CRTC1: variants seen among roughly 807,000 people sequenced by gnomAD.
The protein encoded by CRTC1 is CREB-regulated transcription coactivator 1.
A neutral mutation model predicts 66.1 loss-of-function variants in CRTC1; 18 were observed. That is an observed-to-expected ratio of 0.27 (90% CI 0.19 to 0.40). The LOEUF (loss-of-function observed/expected upper bound fraction) is 0.40. Ranked by LOEUF, CRTC1 falls within the 10% of genes least tolerant of loss-of-function variation. The pLI is 1.00. For missense variants in CRTC1, 669 were observed against 887.9 expected (o/e 0.75, Z 3.13); for synonymous variants, 416 against 398.8 (o/e 1.04, Z -0.51).
chr19:18,752,419 A>G (rs144914188), intron 5 of CRTC1, among the ~76,000 whole-genome samples: 503 of 152,218 alleles, frequency 3.3e-3, no homozygotes, highest in African/African-American at 0.011. Flanking sequence ...CTCAGGCTCA[A>G]GCGAGCCCTC....
chr19:18,739,904 C>T (rs1381571595), intron 1 of CRTC1, among the ~76,000 whole-genome samples: 1 of 152,142 alleles, frequency 6.6e-6, no homozygotes. Flanking sequence ...AAGGACTCCC[C>T]AGAAGCCGTT....
At chr19:18,694,792 A>AACC (rs1343830519) in intron 1 of CRTC1, among the ~76,000 whole-genome samples, 1 of 152,102 alleles carries the variant, frequency 6.6e-6, no homozygotes, top group African/African-American at 2.4e-5. Flanking sequence ...CACAGTTTGA[A>AACC]ACCCACTGAC....
At chr19:18,767,787 C>A (rs1199333778) in intron 9 of CRTC1, among the ~76,000 whole-genome samples, 1 of 152,174 alleles carries the variant, frequency 6.6e-6, no homozygotes, top group Non-Finnish European at 1.5e-5. Context: ...CACAAATGAC[C>A]CACTGGTCCT....
intron 1 of CRTC1, among the ~76,000 whole-genome samples, chr19:18,695,438 G>A (rs1038394029): frequency 1.3e-5 from 2 of 152,218 alleles, no homozygotes; most frequent in Non-Finnish European, 2.9e-5. Flanking sequence ...TCCGTGCAGA[G>A]TAGGGGGCTC....
intron 9 of CRTC1, among the ~76,000 whole-genome samples, chr19:18,766,452 T>A (rs918058221): frequency 1.3e-5 from 2 of 151,520 alleles, no homozygotes; most frequent in Non-Finnish European, 1.5e-5. Context: ...ATCCCTTTTT[T>A]AAAAAAATTT....
At chr19:18,763,105 T>G (rs573346577) in intron 8 of CRTC1, among the ~76,000 whole-genome samples, 2 of 152,254 alleles carry the variant, frequency 1.3e-5, no homozygotes, top group East Asian at 3.9e-4. Flanking sequence ...TTTAATTTTT[T>G]TTTTCTTTTT....
chr19:18,772,502 C>G (rs1157071851), intron 11 of CRTC1, among the ~76,000 whole-genome samples: 1 of 152,190 alleles, frequency 6.6e-6, no homozygotes, highest in East Asian at 1.9e-4. Flanking sequence ...CCATCCCTGT[C>G]CCCTGTAGAG....
rs1421718837 is a variant in CRTC1, at chr19:18,728,824, T to TTTTTTTTG, written c.127-14080_127-14079insTGTTTTTT. ...AGCCACCTCACCTGGCCTTTTTTTTTTTTTTTGAGACAGAGTCTTGCTCTG... is the reference window on the plus strand; with the variant it reads ...AGCCACCTCACCTGGCCTTTTTTTTTTTTTTTTGTTTTTTGAGACAGAGTCTTGCTCTG... On this transcript the variant is annotated intron_variant, in intron 1 of 13. Coordinates refer to ENST00000321949, the MANE Select transcript of CRTC1 (RefSeq NM_015321.3). Among the ~76,000 whole-genome samples, 8 of 136,774 alleles carry TTTTTTTTG rather than the reference T, an allele frequency of 5.8e-5. No homozygotes were observed. In the Admixed American group the frequency reaches 6.0e-4, roughly 10 times the overall value. 89.7% of individuals were successfully genotyped at this position (136,774 alleles called of 152,430 possible).
chr19:18,771,426 C>G lies in CRTC1; in HGVS notation c.1321-16C>G. 2 of 1,606,614 alleles carry G rather than the reference C, an allele frequency of 1.2e-6. No individual in the cohort carries two copies. Among genetic ancestry groups the G allele is most frequent in the Non-Finnish European group, 1.7e-6 (2 of 1,176,370 alleles). Reference sequence around the variant, plus strand: ...GGCAGCTGGGCTGCGGCGTGCTGATCTGTCTGTCATCGCAGGCGCCGGCTC... The same window carrying G: ...GGCAGCTGGGCTGCGGCGTGCTGATGTGTCTGTCATCGCAGGCGCCGGCTC... On this transcript the variant is annotated splice_polypyrimidine_tract_variant and intron_variant, in intron 10 of 13. Coordinates refer to ENST00000321949, the MANE Select transcript of CRTC1 (RefSeq NM_015321.3). This position sits in a 1 kb window ranked among gnomAD's most constrained non-coding sequence, Gnocchi z 4.6.
chr19:18,703,078 G>A (rs1415576425), intron 1 of CRTC1, among the ~76,000 whole-genome samples: 1 of 151,648 alleles, frequency 6.6e-6, no homozygotes, highest in Non-Finnish European at 1.5e-5. Context: ...CACCTCCTGG[G>A]TTCACGCCAT....
intron 6 of CRTC1, among the ~76,000 whole-genome samples, chr19:18,756,885 C>A (rs765247225): frequency 6.6e-6 from 1 of 152,068 alleles, no homozygotes; most frequent in Admixed American, 6.6e-5. Flanking sequence ...ACGTGATCGC[C>A]GGTGTGCTTT....
At chr19:18,753,451 C>G in intron 5 of CRTC1, 49 bp from the exon 6 acceptor site, 1 of 1,425,974 alleles carries the variant, frequency 7.0e-7, no homozygotes, top group Non-Finnish European at 9.8e-7. Flanking sequence ...CATGCGGCTG[C>G]AAAGAAATTT....
intron 1 of CRTC1, among the ~76,000 whole-genome samples, chr19:18,714,763 A>G (rs1313613193): frequency 6.6e-6 from 1 of 152,080 alleles, no homozygotes; most frequent in African/African-American, 2.4e-5. Flanking sequence ...CTCACCCCCA[A>G]ATGTTGATGA....
Position 18,777,839 on chromosome 19 carries a change from C to A in CRTC1, c.*457C>A. ...CTTCCTTGGTTCCCGGTCCCCCAGC[C>A]CATCCGCCATCCCCAGCCCGTGGTC... On this transcript the variant is annotated 3_prime_UTR_variant, in exon 14 of 14. Coordinates refer to ENST00000321949, the MANE Select transcript of CRTC1 (RefSeq NM_015321.3). This position sits in a 1 kb window ranked among gnomAD's most constrained non-coding sequence, Gnocchi z 5.5. 3.4e-6 allele frequency: 1 copy of A among 293,916 alleles called. No individual in the cohort carries two copies. Among genetic ancestry groups the A allele is most frequent in the Non-Finnish European group, 6.4e-6 (1 of 156,744 alleles). The allele number at this position is 293,916 out of a possible 1,614,324, so 18.2% of individuals were successfully genotyped here.
At chr19:18,765,053 C>T (rs1373907809) in intron 8 of CRTC1, among the ~76,000 whole-genome samples, 2 of 152,224 alleles carry the variant, frequency 1.3e-5, no homozygotes, top group African/African-American at 2.4e-5. Flanking sequence ...TCAGACAGCC[C>T]TTCCTGGAAT....
intron 1 of CRTC1, among the ~76,000 whole-genome samples, chr19:18,692,061 C>T (rs2052854452): frequency 2.6e-5 from 4 of 152,238 alleles, no homozygotes; most frequent in Admixed American, 2.0e-4. Context: ...ACACTGAGCT[C>T]CTACACTCCA....
intron 1 of CRTC1, among the ~76,000 whole-genome samples, chr19:18,730,785 G>A (rs1228843774): frequency 1.3e-5 from 2 of 152,076 alleles, no homozygotes; most frequent in Non-Finnish European, 2.9e-5. Context: ...TGTCCCCCTT[G>A]GTCCCCCTAC....
intron 1 of CRTC1, among the ~76,000 whole-genome samples, chr19:18,725,744 C>T (rs992193573): frequency 6.6e-6 from 1 of 152,210 alleles, no homozygotes; most frequent in South Asian, 2.1e-4. Context: ...CTGTCTTTCT[C>T]GCGTGGCTCA....
At chr19:18,687,302 G>C (rs2052708084) in intron 1 of CRTC1, among the ~76,000 whole-genome samples, 1 of 152,144 alleles carries the variant, frequency 6.6e-6, no homozygotes, top group African/African-American at 2.4e-5. Flanking sequence ...GGGATTACAG[G>C]CATGAGCCAC....
Sources: gnomAD v4.1 joint callset for allele counts (sites outside exome capture counted in the v4.1 genomes callset) on GRCh38, gnomAD v4.1.1 for gene constraint, Gnocchi (gnomAD v3.1) non-coding constraint, MANE v1.5 for transcripts, NCBI Gene and HGNC (gene_info 2026-07-23, HGNC 2026-07-21) for gene names.